The following ACIN1 variants were observed in gnomAD, a reference collection of about 807,000 sequenced individuals.
ACIN1 encodes apoptotic chromatin condensation inducer 1, also known as apoptotic chromatin condensation inducer in the nucleus.
A neutral mutation model predicts 146.6 loss-of-function variants in ACIN1; 16 were observed. That is an observed-to-expected ratio of 0.11 (90% CI 0.07 to 0.17). ACIN1 has a LOEUF of 0.17. Among genes scored for constraint, ACIN1 ranks in the 10% least tolerant of loss-of-function variants. The pLI, the probability that ACIN1 is intolerant of heterozygous loss-of-function variation, is 1.00. For synonymous variants in ACIN1, 569 were observed against 582.7 expected, an observed-to-expected ratio of 0.98 and a Z score of 0.34; for missense variants, 1,357 against 1,609.3, an observed-to-expected ratio of 0.84 and a Z score of 2.68.
chr14:23,060,961 T>C (rs2047260614), intron 18 of ACIN1, 123 bp downstream of exon 18: 1 of 878,588 alleles, frequency 1.1e-6, no homozygotes, highest in South Asian at 1.5e-5. Flanking sequence ...TTGTGATGCT[T>C]AGTTTATCCT....
chr14:23,083,873 T>C (rs1280122753), intron 4 of ACIN1, among the ~76,000 whole-genome samples: 1 of 152,232 alleles, frequency 6.6e-6, no homozygotes, highest in African/African-American at 2.4e-5. Context: ...AAAGGTTCTG[T>C]ACACAAAACC....
At chr14:23,093,076 ACAT>A (rs1262345891) in intron 2 of ACIN1, among the ~76,000 whole-genome samples, 1 of 152,130 alleles carries the variant, frequency 6.6e-6, no homozygotes, top group Non-Finnish European at 1.5e-5. Context: ...TGGAAAATCT[ACAT>A]CAACAAGAGT....
intron 9 of ACIN1, chr14:23,069,002 C>CA: frequency 1.0e-6 from 1 of 985,928 alleles, no homozygotes; most frequent in South Asian, 4.7e-5. Context: ...TAAGTAGCTA[C>CA]ATCTCTGCAG....
Position 23,061,773 on chromosome 14 carries a change from A to G in ACIN1, c.3100-151T>C. ...CAGATCACGAGGTCAGGAGACCGAGACCATCCTGGCTGACACGGTGAAACC... is the reference window on the plus strand; with the variant it reads ...CAGATCACGAGGTCAGGAGACCGAGGCCATCCTGGCTGACACGGTGAAACC... On this transcript the variant is annotated intron_variant, in intron 16 of 18. Transcript: ENST00000605057. The G allele has an allele frequency of 5.9e-6, 4 of 683,374 alleles. No homozygotes were observed. The South Asian group carries it at 8.2e-5, about 14-fold the overall frequency. The allele number at this position is 683,374 out of a possible 1,614,324, so 42.3% of individuals were successfully genotyped here.
rs202030542 is a variant in ACIN1, at chr14:23,077,450, GCTT to G, written c.2123+698_2123+700del. Among the ~76,000 whole-genome samples, 907 of 152,158 alleles carry G rather than the reference GCTT, an allele frequency of 6.0e-3. 8 individuals carry two copies. Among genetic ancestry groups the G allele is most frequent in the African/African-American group, 0.02 (837 of 41,508 alleles). ...TGAAGCCAGGAATTCTGGCTCATTG[GCTT>G]CTTAATTTATAATACCTATCTCAGA... On this transcript the variant is annotated intron_variant, in intron 8 of 18. Transcript: ENST00000605057.
rs1295679400 is a variant in ACIN1 at position 23,064,147 on chromosome 14, C to T, written c.2553G>A (p.Gly851=). Residue 851 remains glycine, a synonymous_variant, in exon 12 of 19, where the codon GGG becomes GGA. Coordinates refer to ENST00000605057, the MANE Select transcript of ACIN1 (RefSeq NM_001386863.1). ...ATATTTTCAGCCCCTTGTCATGGGT[C>T]CCATCATCGCCATTACGCTCTGTCT... ...EDETERNGDD[G]THDKGLKICR... The T allele has an allele frequency of 1.9e-6, 3 of 1,614,024 alleles. No individual in the cohort carries two copies. The highest frequency in any genetic ancestry group is 2.2e-5 in the East Asian group (1 of 44,896).
At chr14:23,074,065 T>C (rs1376711723) in intron 8 of ACIN1, among the ~76,000 whole-genome samples, 1 of 151,726 alleles carries the variant, frequency 6.6e-6, no homozygotes, top group African/African-American at 2.4e-5. Context: ...GTCTCGATCT[T>C]CTGACCTTGT....
In ACIN1 at chr14:23,061,315, T is replaced by G; in HGVS notation, c.3407A>C (p.Lys1136Thr). ...GTACCTACCTTTCTTCTCACTCTTC[T>G]TTTCTTTAGACTTCGCACGTTCCTT... ...RRKERAKSKE[K>T]KSEKKEKAQE... Residue 1136 changes from lysine (K) to threonine (T), a missense_variant, in exon 17 of 19, where the codon AAG (lysine) becomes ACG (threonine). Around this residue, in one of 4 missense-constraint regions of ACIN1, gnomAD observed 509 missense variants for 719.6 expected, o/e 0.71. Coordinates refer to ENST00000605057, the MANE Select transcript of ACIN1 (RefSeq NM_001386863.1). The G allele has an allele frequency of 1.2e-6, 2 of 1,614,012 alleles. No homozygotes were observed. The highest frequency in any genetic ancestry group is 1.7e-6 in the Non-Finnish European group (2 of 1,179,924).
rs1199720924 is a variant in ACIN1, at chr14:23,095,090, G to A, written c.23C>T (p.Thr8Ile). 6.2e-7 allele frequency: 1 copy of A among 1,614,240 alleles called. No individual in the cohort carries two copies. The highest frequency in any genetic ancestry group is 8.5e-7 in the Non-Finnish European group (1 of 1,180,050). Residue 8 changes from threonine (T) to isoleucine (I), a missense_variant, in exon 1 of 19, where the codon ACT becomes ATT. Around this residue, in one of 4 missense-constraint regions of ACIN1, gnomAD observed 22 missense variants for 19.1 expected, o/e 1.15. Transcript: ENST00000605057. MAELEEVTLDGKPLQALR... is the reference protein window; with the variant it reads MAELEEVILDGKPLQALR... ...CGCCTGAAGAGGCTTCCCGTCCAGA[G>A]TCACCTCCTCCAGCTCCGCCATCTT...
chr14:23,069,357 C>T, intron 9 of ACIN1, 119 bp downstream of exon 9: 2 of 1,477,128 alleles, frequency 1.4e-6, no homozygotes. Context: ...TGATCCAAGT[C>T]CCTGCCTCAT....
intron 11 of ACIN1, 36 bp downstream of exon 11, chr14:23,064,319 G>C (rs1422940934): frequency 6.2e-7 from 1 of 1,613,982 alleles, no homozygotes; most frequent in African/African-American, 1.3e-5. Context: ...ACCTTAACAG[G>C]TCTCATCCTC....
In ACIN1 at chr14:23,061,785, G is replaced by A. The variant is rs542158634; in HGVS notation, c.3100-163C>T. Among the ~76,000 whole-genome samples, 368 of 152,090 alleles carry A rather than the reference G, an allele frequency of 2.4e-3. 1 individual carries two copies. Among genetic ancestry groups the A allele is most frequent in the African/African-American group, 3.1e-3 (128 of 41,458 alleles). On this transcript the variant is annotated intron_variant, in intron 16 of 18. Transcript: ENST00000605057. ...TCAGGAGACCGAGACCATCCTGGCT[G>A]ACACGGTGAAACCCCGTCTCTACTG... is the stretch of plus-strand genomic sequence containing the variant.
chr14:23,064,397 T>C lies in ACIN1; in HGVS notation c.2400A>G (p.Thr800=). 1 of 1,614,272 alleles carries C rather than the reference T, an allele frequency of 6.2e-7. No individual in the cohort carries two copies. The highest frequency in any genetic ancestry group is 1.3e-5 in the African/African-American group (1 of 75,072). Reference sequence around the variant, plus strand: ...TGATACTGATGGAAGGTTTCTTCTGTGTGGTGGCTGTGCTGGCTCCCCAGC... The same window carrying C: ...TGATACTGATGGAAGGTTTCTTCTGCGTGGTGGCTGTGCTGGCTCCCCAGC... ...KRRWGASTAT[T]QKKPSISITT... Residue 800 remains threonine (T), a synonymous_variant, in exon 11 of 19, where the codon ACA becomes ACG. Coordinates refer to ENST00000605057, the MANE Select transcript of ACIN1 (RefSeq NM_001386863.1).
At chr14:23,080,831 G>A (rs762157559) in intron 5 of ACIN1, 22 bp from the exon 6 acceptor site, 31 of 1,565,400 alleles carry the variant, frequency 2.0e-5, no homozygotes, top group Non-Finnish European at 2.4e-5. Context: ...GATACACAAT[G>A]GCTCCAAATG....
intron 1 of ACIN1, among the ~76,000 whole-genome samples, chr14:23,094,227 G>A (rs2048307012): frequency 1.3e-5 from 2 of 152,090 alleles, no homozygotes; most frequent in Non-Finnish European, 2.9e-5. Context: ...CACGTATCCT[G>A]TTGAACTCTA....
rs1433138148 is a variant in ACIN1 at position 23,059,070 on chromosome 14, G to A, written c.*78C>T. The A allele has an allele frequency of 3.2e-5, 45 of 1,395,172 alleles. No homozygotes were observed. Among genetic ancestry groups the A allele is most frequent in the Non-Finnish European group, 4.3e-5 (43 of 1,003,586 alleles). 86.4% of individuals were successfully genotyped at this position (1,395,172 alleles called of 1,614,324 possible). ...AAAGACCCTTGGCTCCAGGGTGGTG[G>A]AGACTGTGCCTATCCCTCTGTGGCC... On this transcript the variant is annotated 3_prime_UTR_variant, in exon 19 of 19. Transcript: ENST00000605057.
chr14:23,078,338 G>A (rs1375425450), intron 7 of ACIN1, 72 bp from the exon 8 acceptor site: 10 of 1,384,550 alleles, frequency 7.2e-6, no homozygotes, highest in African/African-American at 1.4e-5. Context: ...TCTACCTGGA[G>A]CCTGAAAAAG....
At chr14:23,081,986 G>C in intron 4 of ACIN1, 150 bp from the exon 5 acceptor site, 1 of 574,888 alleles carries the variant, frequency 1.7e-6, no homozygotes, top group South Asian at 2.6e-5. Context: ...CTACACTAAA[G>C]AAAAGACTAC....
chr14:23,059,996 C>G (rs1418754694), intron 18 of ACIN1, among the ~76,000 whole-genome samples: 1 of 129,448 alleles, frequency 7.7e-6, no homozygotes, highest in East Asian at 2.2e-4. Context: ...CTCACTCTGT[C>G]GCCCAGGCTG....
Sources: allele counts gnomAD v4.1 joint callset (sites outside exome capture counted in the v4.1 genomes callset), GRCh38; gene constraint gnomAD v4.1.1; regional missense constraint gnomAD v4.1.1; transcripts MANE v1.5; gene names NCBI Gene and HGNC (gene_info 2026-07-23, HGNC 2026-07-21).